TNFRSF11A: variants seen among roughly 807,000 people sequenced by gnomAD.
TNFRSF11A encodes the protein tumor necrosis factor receptor superfamily member 11A.
Under a neutral mutation model 55.7 loss-of-function variants are expected in TNFRSF11A, and 32 were observed. The observed-to-expected ratio is 0.57, with a 90% CI of 0.43 to 0.77. TNFRSF11A has a LOEUF of 0.77. TNFRSF11A is among the 30% of genes least tolerant of loss of function. The pLI is 0.00. For missense variants in TNFRSF11A, 753 were observed against 809.8 expected (o/e 0.93, Z 0.85); for synonymous variants, 311 against 331.0 (o/e 0.94, Z 0.65).
intron 9 of TNFRSF11A, among the ~76,000 whole-genome samples, chr18:62,373,436 G>A (rs1600413845): frequency 6.6e-6 from 1 of 151,448 alleles, no homozygotes; most frequent in East Asian, 1.9e-4. Context: ...CTGGGCGGCA[G>A]AGCAAGACTC....
intron 1 of TNFRSF11A, among the ~76,000 whole-genome samples, chr18:62,342,816 A>G (rs569624816): frequency 3.3e-4 from 50 of 152,378 alleles, no homozygotes; most frequent in Non-Finnish European, 5.9e-4. Context: ...AGACATTCAA[A>G]GAAATGGACA....
chr18:62,382,107 CTT>C (rs574488222), intron 9 of TNFRSF11A, among the ~76,000 whole-genome samples: 4 of 89,414 alleles, frequency 4.5e-5, no homozygotes, highest in Non-Finnish European at 6.3e-5. Context: ...TTCCTGAGTC[CTT>C]TTTTTTTTTT....
rs189654005 is a variant in TNFRSF11A at position 62,363,461 on chromosome 18, T to C, written c.730+1668T>C. Among the ~76,000 whole-genome samples the C allele has an allele frequency of 4.0e-4, 58 of 145,760 alleles. No homozygotes were observed. The East Asian group carries it at 0.011, about 27-fold the overall frequency. The stretch of plus-strand genomic sequence containing the variant: ...TCAGCTCACTGCAACCTCCGCCTCC[T>C]GGGTTGCAGCGATTCTCCTCCCTCA... On this transcript the variant is annotated intron_variant, in intron 7 of 9. Coordinates refer to ENST00000586569, the MANE Select transcript of TNFRSF11A (RefSeq NM_003839.4).
intron 1 of TNFRSF11A, among the ~76,000 whole-genome samples, chr18:62,346,280 G>C (rs1212922010): frequency 6.6e-6 from 1 of 152,184 alleles, no homozygotes; most frequent in Admixed American, 6.5e-5. Context: ...CTTAGGCTCG[G>C]ATGAATCCAG....
At chr18:62,338,629 C>G (rs940592756) in intron 1 of TNFRSF11A, among the ~76,000 whole-genome samples, 1 of 152,058 alleles carries the variant, frequency 6.6e-6, no homozygotes, top group Non-Finnish European at 1.5e-5. Flanking sequence ...GACTCAGAGA[C>G]AGACAGTAGA....
At chr18:62,349,990 T>C (rs765397767) in intron 3 of TNFRSF11A, 53 bp downstream of exon 3, 44 of 1,606,276 alleles carry the variant, frequency 2.7e-5, no homozygotes, top group Non-Finnish European at 3.5e-5. Flanking sequence ...CTCAGACCTC[T>C]TTTTCTATAG....
intron 3 of TNFRSF11A, among the ~76,000 whole-genome samples, chr18:62,351,156 C>T (rs374913379): frequency 6.6e-6 from 1 of 152,018 alleles, no homozygotes; most frequent in East Asian, 1.9e-4. Flanking sequence ...GCACGTGCCA[C>T]CATGCCTGGC....
At chr18:62,346,257 A>G (rs2046381809) in intron 1 of TNFRSF11A, among the ~76,000 whole-genome samples, 1 of 152,220 alleles carries the variant, frequency 6.6e-6, no homozygotes, top group Non-Finnish European at 1.5e-5. Flanking sequence ...CATTGCAACA[A>G]TGCTCATGAA....
chr18:62,368,961 A>G lies in TNFRSF11A; in HGVS notation c.1044A>G (p.Glu348=), dbSNP rs1329927112. 3.7e-6 allele frequency: 6 copies of G among 1,614,246 alleles called. No individual in the cohort carries two copies. The highest frequency in any genetic ancestry group is 2.7e-5 in the African/African-American group (2 of 75,074). ...DSFRQMPTED[E]YMDRPSQPTD... ...TCAGACAGATGCCCACAGAAGATGA[A>G]TACATGGACAGGCCCTCCCAGCCCA... is the stretch of plus-strand genomic sequence containing the variant. The change falls in exon 9 of 10, where the codon GAA becomes GAG. Residue 348 remains glutamate, a synonymous_variant. Transcript: ENST00000586569.
rs1431228491 is a variant in TNFRSF11A, at chr18:62,389,452, A to T, written c.*4418A>T. 2.0e-5 allele frequency: 3 copies of T among 152,338 alleles called. No homozygotes were observed. The highest frequency in any genetic ancestry group is 7.2e-5 in the African/African-American group (3 of 41,446). The allele number at this position is 152,338 out of a possible 1,614,324, so 9.4% of individuals were successfully genotyped here. A position where few individuals can be genotyped will look rare whatever the true frequency, so the allele number is the denominator to read the frequency against. On this transcript the variant is annotated 3_prime_UTR_variant, in exon 10 of 10. Coordinates refer to ENST00000586569, the MANE Select transcript of TNFRSF11A (RefSeq NM_003839.4). ...GGACCAACACCCCCATGGCTGCCCCACTGCGGAACTGCCTACTGCGGCAAA... is the reference window on the plus strand; with the variant it reads ...GGACCAACACCCCCATGGCTGCCCCTCTGCGGAACTGCCTACTGCGGCAAA...
rs116702945 is a variant in TNFRSF11A, at chr18:62,381,910, C to T, written c.1568-2841C>T. On this transcript the variant is annotated intron_variant, in intron 9 of 9. Transcript: ENST00000586569. ...CTAGGAGGACTTAACTGTGTTGCTA[C>T]GCCTACTTCTGTTGCTGCTACGGTA... 4.8e-3 allele frequency among the ~76,000 whole-genome samples: 726 copies of T among 152,168 alleles called. 5 individuals carry two copies. Among genetic ancestry groups the T allele is most frequent in the African/African-American group, 0.017 (706 of 41,506 alleles).
intron 4 of TNFRSF11A, among the ~76,000 whole-genome samples, chr18:62,356,260 G>GA (rs1274970659): frequency 6.6e-6 from 1 of 152,200 alleles, no homozygotes; most frequent in Non-Finnish European, 1.5e-5. Context: ...TCATATCAAG[G>GA]AAAATGTCCA....
At position 62,388,060 on chromosome 18, in the gene TNFRSF11A, A is replaced by C. The variant is rs117397053; in HGVS notation, c.*3026A>C. On this transcript the variant is annotated 3_prime_UTR_variant, in exon 10 of 10. Transcript: ENST00000586569. ...AGTCCAGGAGTTCAAGGTTACTGTG[A>C]GCTTTGATTGGGTCAGTGCACTCCA... 1 of 152,488 alleles carries C rather than the reference A, an allele frequency of 6.6e-6. No individual in the cohort carries two copies. Among genetic ancestry groups the C allele is most frequent in the East Asian group, 1.9e-4 (1 of 5,196 alleles). The allele number at this position is 152,488 out of a possible 1,614,324, so 9.4% of individuals were successfully genotyped here.
rs1911601689 is a variant in TNFRSF11A at position 62,384,941 on chromosome 18, G to A, written c.1758G>A (p.Pro586=). 1.3e-6 allele frequency: 2 copies of A among 1,538,678 alleles called. No homozygotes were observed. Among genetic ancestry groups the A allele is most frequent in the Non-Finnish European group, 1.7e-6 (2 of 1,144,630 alleles). ...GAGACTCCTTCGCGGGGAACGGCCC[G>A]CGCTTCCCGGACCCGTGCGGCGGCC... The part of the protein sequence containing the change: ...ARRDSFAGNG[P]RFPDPCGGPE... The change falls in exon 10 of 10, where the codon CCG becomes CCA. Residue 586 remains proline (P), a synonymous_variant. Transcript: ENST00000586569.
At chr18:62,376,612 T>C (rs1910917352) in intron 9 of TNFRSF11A, among the ~76,000 whole-genome samples, 2 of 152,144 alleles carry the variant, frequency 1.3e-5, no homozygotes, top group Non-Finnish European at 2.9e-5. Flanking sequence ...ATTGACACAT[T>C]GGGGTCCACT....
chr18:62,346,536 G>A (rs139309881), intron 1 of TNFRSF11A, among the ~76,000 whole-genome samples: 4 of 152,256 alleles, frequency 2.6e-5, no homozygotes, highest in East Asian at 1.9e-4. Flanking sequence ...TGTGTTACCC[G>A]GTGTCCACGG....
intron 7 of TNFRSF11A, among the ~76,000 whole-genome samples, chr18:62,364,176 T>G (rs1034772832): frequency 2.0e-5 from 3 of 152,144 alleles, no homozygotes; most frequent in Non-Finnish European, 2.9e-5. Flanking sequence ...AGTTAAGATC[T>G]GAAAGACAAG....
intron 1 of TNFRSF11A, among the ~76,000 whole-genome samples, chr18:62,334,571 A>G (rs2046202614): frequency 6.6e-6 from 1 of 152,182 alleles, no homozygotes; most frequent in South Asian, 2.1e-4. Context: ...GTAGGTAGTT[A>G]TATTTTTAAA....
chr18:62,330,399 G>T (rs1356237310), intron 1 of TNFRSF11A, among the ~76,000 whole-genome samples: 1 of 152,238 alleles, frequency 6.6e-6, no homozygotes, highest in African/African-American at 2.4e-5. Context: ...CCAGTGCTTT[G>T]TCTGGCGGTG....
Sources: gnomAD v4.1 joint callset for allele counts (sites outside exome capture counted in the v4.1 genomes callset) on GRCh38, gnomAD v4.1.1 for gene constraint, MANE v1.5 for transcripts, NCBI Gene and HGNC (gene_info 2026-07-23, HGNC 2026-07-21) for gene names.